Variants in METTL15 observed in about 807,000 individuals in gnomAD.
METTL15 encodes the protein methyltransferase 15, mitochondrial 12S rRNA N4-cytidine, also known as 12S rRNA N(4)-cytidine methyltransferase METTL15.
Under a neutral mutation model 38.3 loss-of-function variants are expected in METTL15, and 34 were observed. The ratio of observed to expected loss-of-function variants is 0.89; its 90% CI spans 0.68 to 1.18. The LOEUF (loss-of-function observed/expected upper bound fraction) is 1.18, where lower values mean the gene tolerates loss of function less well. Ranked by LOEUF, METTL15 falls within the 50% of genes most tolerant of loss-of-function variation. The pLI is 0.00. For synonymous variants in METTL15, 162 were observed against 170.9 expected, an observed-to-expected ratio of 0.95 and a Z score of 0.41; for missense variants, 438 against 498.4, an observed-to-expected ratio of 0.88 and a Z score of 1.15.
intron 4 of METTL15, among the ~76,000 whole-genome samples, chr11:28,241,975 T>G (rs559424827): frequency 6.6e-6 from 1 of 152,318 alleles, no homozygotes; most frequent in African/African-American, 2.4e-5. Flanking sequence ...TGAGTGACAT[T>G]GTCTGACATG....
intron 6 of METTL15, among the ~76,000 whole-genome samples, chr11:28,510,873 G>A (rs1316526983): frequency 6.6e-6 from 1 of 152,152 alleles, no homozygotes; most frequent in Non-Finnish European, 1.5e-5. Context: ...CAAGTACTCA[G>A]CCTGTGTTAA....
intron 6 of METTL15, among the ~76,000 whole-genome samples, chr11:28,460,647 A>G (rs1033770813): frequency 3.3e-5 from 5 of 152,086 alleles, no homozygotes; most frequent in Non-Finnish European, 7.4e-5. Flanking sequence ...CCTGCTCTCA[A>G]GGAGCTCAGA....
At chr11:28,518,738 A>G (rs886246171) in intron 6 of METTL15, among the ~76,000 whole-genome samples, 1 of 152,220 alleles carries the variant, frequency 6.6e-6, no homozygotes, top group African/African-American at 2.4e-5. Flanking sequence ...TAGAAATCCT[A>G]AGTTAGAGGC....
chr11:28,439,436 A>C (rs1851015011), intron 6 of METTL15, among the ~76,000 whole-genome samples: 1 of 152,240 alleles, frequency 6.6e-6, no homozygotes, highest in South Asian at 2.1e-4. Flanking sequence ...ACGAGAGCTC[A>C]AGAAAATTCT....
chr11:28,205,201 A>T (rs1166890304), intron 3 of METTL15, among the ~76,000 whole-genome samples: 1 of 151,662 alleles, frequency 6.6e-6, no homozygotes, highest in Non-Finnish European at 1.5e-5. Flanking sequence ...GGTGTGCTGC[A>T]CGCATTAACT....
intron 5 of METTL15, among the ~76,000 whole-genome samples, chr11:28,411,226 T>A (rs904400482): frequency 7.2e-5 from 11 of 152,060 alleles, no homozygotes; most frequent in South Asian, 4.2e-4. Context: ...ATGGTGCTCT[T>A]CACAGAAAAA....
chr11:28,355,520 T>C (rs927768364), intron 4 of METTL15, among the ~76,000 whole-genome samples: 1 of 152,196 alleles, frequency 6.6e-6, no homozygotes, highest in African/African-American at 2.4e-5. Flanking sequence ...ATCCATGAAT[T>C]CCATATCCAT....
chr11:28,263,631 C>T (rs969939569), intron 4 of METTL15, among the ~76,000 whole-genome samples: 8 of 151,986 alleles, frequency 5.3e-5, no homozygotes, highest in African/African-American at 1.9e-4. Context: ...ATGTCTTGCT[C>T]AGTTTCTGGA....
chr11:28,338,473 G>A (rs571898368), downstream of METTL15, among the ~76,000 whole-genome samples: 59 of 151,764 alleles, frequency 3.9e-4, no homozygotes, highest in East Asian at 3.3e-3. Context: ...TTTCCATTGC[G>A]TCCTCCAAAA....
At chr11:28,342,516 G>A (rs576245160) in intron 3 of METTL15, among the ~76,000 whole-genome samples, 32 of 151,724 alleles carry the variant, frequency 2.1e-4, no homozygotes, top group Non-Finnish European at 3.8e-4. Context: ...TCCCACCTTG[G>A]CCTCCCAAAG....
At chr11:28,247,516 A>G (rs1262055686) in intron 4 of METTL15, among the ~76,000 whole-genome samples, 3 of 152,126 alleles carry the variant, frequency 2.0e-5, no homozygotes, top group Non-Finnish European at 2.9e-5. Context: ...TTATGAAATG[A>G]ATTCATACTT....
intron 4 of METTL15, among the ~76,000 whole-genome samples, chr11:28,227,105 T>C (rs1007459521): frequency 6.6e-6 from 1 of 151,886 alleles, no homozygotes; most frequent in African/African-American, 2.4e-5. Flanking sequence ...AGCTGTTTTT[T>C]TGAGGAGGTA....
chr11:28,147,422 A>C (rs1849925378), intron 3 of METTL15, among the ~76,000 whole-genome samples: 1 of 151,788 alleles, frequency 6.6e-6, no homozygotes, highest in African/African-American at 2.4e-5. Context: ...GTTTCTTTTG[A>C]AGTTATTGAT....
chr11:28,236,645 T>C (rs1396539671), intron 4 of METTL15, among the ~76,000 whole-genome samples: 1 of 152,200 alleles, frequency 6.6e-6, no homozygotes, highest in Non-Finnish European at 1.5e-5. Context: ...CCTGCCATTA[T>C]GATGTTAGCT....
In METTL15 at chr11:28,319,090, T is replaced by TCCCCAAGGGAAATGTAGG. The variant is rs1849371800; in HGVS notation, c.779-11305_779-11288dup. Among the ~76,000 whole-genome samples, 7 of 152,204 alleles carry TCCCCAAGGGAAATGTAGG rather than the reference T, an allele frequency of 4.6e-5. No individual in the cohort carries two copies. In the South Asian group the frequency reaches 1.5e-3, roughly 32 times the overall value. ...GTCTTTAGGCCTGACAATGCACATCTCCCCAAGGGAAATGTAGGGAGAAAG... is the reference window on the plus strand; with the variant it reads ...GTCTTTAGGCCTGACAATGCACATCTCCCCAAGGGAAATGTAGGCCCCAAGGGAAATGTAGGGAGAAAG... On this transcript the variant is annotated intron_variant, in intron 6 of 6. Coordinates refer to ENST00000407364, the MANE Select transcript of METTL15 (RefSeq NM_001113528.2).
At chr11:28,508,756 G>A (rs901350143) in intron 6 of METTL15, among the ~76,000 whole-genome samples, 13 of 152,166 alleles carry the variant, frequency 8.5e-5, no homozygotes, top group Admixed American at 7.9e-4. Flanking sequence ...GCTGATTTAA[G>A]AATGGGCTAC....
chr11:28,273,096 A>G (rs1167771271), intron 4 of METTL15, among the ~76,000 whole-genome samples: 1 of 152,202 alleles, frequency 6.6e-6, no homozygotes, highest in African/African-American at 2.4e-5. Context: ...TCTGTGAATC[A>G]TAAAGTAGTA....
At chr11:28,508,929 T>A (rs2133498762) in intron 6 of METTL15, among the ~76,000 whole-genome samples, 1 of 152,366 alleles carries the variant, frequency 6.6e-6, no homozygotes, top group South Asian at 2.1e-4. Context: ...AAGATGGGCA[T>A]GGCATAGTAA....
intron 4 of METTL15, among the ~76,000 whole-genome samples, chr11:28,254,132 A>G (rs866574198): frequency 9.9e-5 from 15 of 152,060 alleles, no homozygotes; most frequent in Admixed American, 9.8e-4. Flanking sequence ...TCTACATTCT[A>G]CCAGCATTTG....
Sources: gnomAD v4.1 joint callset for allele counts (sites outside exome capture counted in the v4.1 genomes callset) on GRCh38, gnomAD v4.1.1 for gene constraint, MANE v1.5 for transcripts, NCBI Gene and HGNC (gene_info 2026-07-23, HGNC 2026-07-21) for gene names.